ADAM18: variants seen among roughly 807,000 people sequenced by gnomAD.
The protein encoded by ADAM18 is ADAM metallopeptidase domain 18.
Under a neutral mutation model 94.4 loss-of-function variants are expected in ADAM18, and 117 were observed. The ratio of observed to expected loss-of-function variants is 1.24; its 90% confidence interval spans 1.07 to 1.45. The LOEUF (loss-of-function observed/expected upper bound fraction) is 1.45, where lower values mean the gene tolerates loss of function less well. Ranked by LOEUF, ADAM18 falls within the 40% of genes most tolerant of loss-of-function variation. The pLI, the probability that ADAM18 is intolerant of heterozygous loss-of-function variation, is 0.00. For missense variants in ADAM18, 936 were observed against 880.0 expected, an observed-to-expected ratio of 1.06 and a Z score of -0.81; for synonymous variants, 327 against 291.6, an observed-to-expected ratio of 1.12 and a Z score of -1.24.
At chr8:39,696,493 T>G (rs1821932360) in intron 17 of ADAM18, among the ~76,000 whole-genome samples, 1 of 151,602 alleles carries the variant, frequency 6.6e-6, no homozygotes, top group South Asian at 2.1e-4. Context: ...CTAAGAGCTT[T>G]AACTTTTTAA....
At chr8:39,612,616 C>T (rs1179095180) in intron 6 of ADAM18, among the ~76,000 whole-genome samples, 2 of 152,072 alleles carry the variant, frequency 1.3e-5, no homozygotes, top group Non-Finnish European at 2.9e-5. Context: ...CTCTAGGTGG[C>T]TTTGGTTTTT....
rs773389951 is a variant in ADAM18, at chr8:39,585,297, AT to A, written c.78del (p.His26GlnfsTer20). On this transcript the variant is annotated frameshift_variant, in exon 2 of 20. Transcript: ENST00000265707. LOFTEE classifies it high-confidence loss of function. ...GCAGGTTCTGAAGGAATATTTCTGC[AT>A]GTCACAGTTCCACGGAAGATTAAGT... Reference protein sequence around the residue: ...AHEGSEGIFLHVTVPRKIKSN... With the variant: ...AHEGSEGIFLXVTVPRKIKSN... The A allele has an allele frequency of 6.2e-7, 1 of 1,613,218 alleles. No homozygotes were observed. Among genetic ancestry groups the A allele is most frequent in the South Asian group, 1.1e-5 (1 of 90,786 alleles).
At position 39,654,244 on chromosome 8, in the gene ADAM18, G is replaced by A. The variant is rs113010575; in HGVS notation, c.1230+5717G>A. Among the ~76,000 whole-genome samples the A allele has an allele frequency of 5.7e-4, 81 of 142,848 alleles. 1 individual carries two copies. The highest frequency in any genetic ancestry group is 3.7e-3 in the Middle Eastern group (1 of 270). 93.7% of individuals were successfully genotyped at this position (142,848 alleles called of 152,430 possible). ...GCGATCTCAGCTCACTGCAAGCTCC[G>A]CCTTCCAGGTTCACGCGATTCTCCT... On this transcript the variant is annotated intron_variant, in intron 12 of 19. Transcript: ENST00000265707.
intron 16 of ADAM18, among the ~76,000 whole-genome samples, chr8:39,691,959 G>A (rs1024741411): frequency 6.6e-5 from 10 of 151,680 alleles, no homozygotes; most frequent in African/African-American, 2.2e-4. Flanking sequence ...GTTATGTTGT[G>A]AACGACTTAA....
chr8:39,632,255 C>T (rs1348864351), intron 7 of ADAM18, among the ~76,000 whole-genome samples: 1 of 151,804 alleles, frequency 6.6e-6, no homozygotes, highest in Non-Finnish European at 1.5e-5. Flanking sequence ...CTTGACTCTG[C>T]AGTACAATGT....
intron 12 of ADAM18, 99 bp from the exon 13 acceptor site, chr8:39,663,694 CAA>C: frequency 2.0e-6 from 1 of 496,162 alleles, no homozygotes; most frequent in South Asian, 1.9e-5. Flanking sequence ...TGTATAACTA[CAA>C]GTTTGTACAC....
At chr8:39,610,431 A>G in intron 5 of ADAM18, 98 bp from the exon 6 acceptor site, 1 of 1,359,100 alleles carries the variant, frequency 7.4e-7, no homozygotes, top group Non-Finnish European at 9.7e-7. Flanking sequence ...GTTCTTTAGT[A>G]TAGTTTTTTA....
intron 2 of ADAM18, among the ~76,000 whole-genome samples, chr8:39,601,120 A>G (rs1486784272): frequency 2.0e-5 from 3 of 152,094 alleles, no homozygotes; most frequent in Non-Finnish European, 4.4e-5. Context: ...AAACAACCAA[A>G]TCTCGCGATA....
intron 2 of ADAM18, among the ~76,000 whole-genome samples, chr8:39,590,177 A>G (rs1211625398): frequency 6.6e-6 from 1 of 151,896 alleles, no homozygotes; most frequent in Non-Finnish European, 1.5e-5. Flanking sequence ...AAAGACTTGG[A>G]ACCAACCCGA....
intron 12 of ADAM18, among the ~76,000 whole-genome samples, chr8:39,657,596 G>T (rs1025453538): frequency 6.6e-6 from 1 of 152,118 alleles, no homozygotes; most frequent in Non-Finnish European, 1.5e-5. Flanking sequence ...GATTACAGAC[G>T]TGAGCCACAG....
intron 17 of ADAM18, among the ~76,000 whole-genome samples, chr8:39,700,754 A>C (rs976723980): frequency 1.3e-5 from 2 of 152,090 alleles, no homozygotes; most frequent in Non-Finnish European, 2.9e-5. Context: ...TTTGCTCAAA[A>C]CTAATAATGA....
intron 2 of ADAM18, among the ~76,000 whole-genome samples, chr8:39,590,743 C>T (rs1450127129): frequency 6.6e-6 from 1 of 152,078 alleles, no homozygotes; most frequent in Non-Finnish European, 1.5e-5. Context: ...ATAAATAATA[C>T]ATATATCTCA....
intron 17 of ADAM18, among the ~76,000 whole-genome samples, chr8:39,695,610 G>T (rs1821901663): frequency 6.6e-6 from 1 of 150,446 alleles, no homozygotes; most frequent in African/African-American, 2.4e-5. Context: ...CCTAGCCCCT[G>T]GTATCCACTA....
chr8:39,709,083 C>T (rs931506003), intron 18 of ADAM18, among the ~76,000 whole-genome samples: 2 of 152,210 alleles, frequency 1.3e-5, no homozygotes, highest in Non-Finnish European at 2.9e-5. Flanking sequence ...TGCATCCGCA[C>T]TCATGGCTCC....
At chr8:39,700,273 C>T (rs1822028088) in intron 17 of ADAM18, among the ~76,000 whole-genome samples, 1 of 152,062 alleles carries the variant, frequency 6.6e-6, no homozygotes. Context: ...ATGATTTTGT[C>T]ATGAATTGTA....
At chr8:39,620,855 G>C (rs141133039) in intron 6 of ADAM18, among the ~76,000 whole-genome samples, 6 of 151,828 alleles carry the variant, frequency 4.0e-5, no homozygotes, top group Admixed American at 1.3e-4. Context: ...AGACAATAGA[G>C]ATTTGGATGG....
At chr8:39,618,771 T>C (rs759442099) in intron 6 of ADAM18, among the ~76,000 whole-genome samples, 3 of 152,174 alleles carry the variant, frequency 2.0e-5, no homozygotes, top group Non-Finnish European at 4.4e-5. Flanking sequence ...TCGCATTCCA[T>C]TCCCAGAGCT....
intron 19 of ADAM18, among the ~76,000 whole-genome samples, chr8:39,726,257 TAC>T (rs34664356): frequency 0.03 from 4,329 of 145,482 alleles, 201 homozygotes; most frequent in African/African-American, 0.1. Flanking sequence ...GTATGAGATC[TAC>T]ACACACACAC....
chr8:39,697,654 T>A (rs2129581008), intron 17 of ADAM18, among the ~76,000 whole-genome samples: 1 of 151,884 alleles, frequency 6.6e-6, no homozygotes, highest in Non-Finnish European at 1.5e-5. Flanking sequence ...ATTTCTGTGT[T>A]TATTTCTGTT....
Sources: gnomAD v4.1 joint callset for allele counts (sites outside exome capture counted in the v4.1 genomes callset) on GRCh38, gnomAD v4.1.1 for gene constraint, MANE v1.5 for transcripts, NCBI Gene and HGNC (gene_info 2026-07-23, HGNC 2026-07-21) for gene names.